Variants in VPS13A observed in about 807,000 individuals in gnomAD.
The protein encoded by VPS13A is vacuolar protein sorting 13 homolog A, also known as intermembrane lipid transfer protein VPS13A.
A neutral mutation model predicts 390.9 loss-of-function variants in VPS13A; 264 were observed. The ratio of observed to expected loss-of-function variants is 0.68; its 90% confidence interval spans 0.61 to 0.75. VPS13A has a LOEUF of 0.75. VPS13A is among the 30% of genes least tolerant of loss of function. The pLI, the probability that VPS13A is intolerant of heterozygous loss-of-function variation, is 0.00. For synonymous variants in VPS13A, 1,231 were observed against 1,227.1 expected (o/e 1.00, Z -0.07); for missense variants, 3,409 against 3,733.9 (o/e 0.91, Z 2.27).
intron 68 of VPS13A, among the ~76,000 whole-genome samples, chr9:77,387,106 A>G (rs1467125364): frequency 2.0e-5 from 3 of 150,008 alleles, no homozygotes; most frequent in Admixed American, 6.7e-5. Flanking sequence ...TCCAGTTTTG[A>G]AAAAAAACTT....
intron 31 of VPS13A, among the ~76,000 whole-genome samples, chr9:77,290,779 C>A (rs1174546106): frequency 6.6e-6 from 1 of 152,104 alleles, no homozygotes; most frequent in Non-Finnish European, 1.5e-5. Flanking sequence ...TTTAATATAT[C>A]CCTTTGACTC....
intron 27 of VPS13A, among the ~76,000 whole-genome samples, chr9:77,280,573 T>C (rs1826960501): frequency 6.6e-6 from 1 of 152,156 alleles, no homozygotes; most frequent in Non-Finnish European, 1.5e-5. Context: ...TGCTTTCACT[T>C]TCTTTTCCAC....
chr9:77,393,469 A>G (rs944477133), intron 68 of VPS13A, among the ~76,000 whole-genome samples: 7 of 152,208 alleles, frequency 4.6e-5, no homozygotes, highest in African/African-American at 1.7e-4. Flanking sequence ...TAAGTTTTCA[A>G]TTTACTTTGA....
chr9:77,405,030 C>T (rs1247944622), intron 69 of VPS13A, among the ~76,000 whole-genome samples: 2 of 151,846 alleles, frequency 1.3e-5, no homozygotes, highest in South Asian at 2.1e-4. Context: ...CCTCTGGTTG[C>T]ACCTACAATT....
chr9:77,310,191 T>C (rs925271139), intron 35 of VPS13A, among the ~76,000 whole-genome samples: 22 of 152,052 alleles, frequency 1.4e-4, no homozygotes, highest in Non-Finnish European at 2.9e-4. Flanking sequence ...TCAGGAAATC[T>C]AGGAAACAGA....
intron 68 of VPS13A, chr9:77,390,081 A>T (rs985389698): frequency 2.0e-6 from 2 of 985,312 alleles, no homozygotes; most frequent in Non-Finnish European, 2.4e-6. Context: ...GAAAGGTCTT[A>T]CTATAGCAGT....
intron 35 of VPS13A, among the ~76,000 whole-genome samples, chr9:77,312,824 A>G (rs973680412): frequency 1.3e-5 from 2 of 152,218 alleles, no homozygotes; most frequent in African/African-American, 4.8e-5. Context: ...TGCAATTCTC[A>G]CATACGACTG....
chr9:77,390,561 G>A, intron 68 of VPS13A, among the ~76,000 whole-genome samples: 1 of 152,166 alleles, frequency 6.6e-6, no homozygotes, highest in South Asian at 2.1e-4. Flanking sequence ...TGGTGGTGAT[G>A]ATTCCACTTC....
Position 77,295,635 on chromosome 9 carries a change from G to A in VPS13A, c.3601G>A (p.Ala1201Thr), listed in dbSNP as rs776924250. 20 of 1,613,826 alleles carry A rather than the reference G, an allele frequency of 1.2e-5. No individual in the cohort carries two copies. The highest frequency in any genetic ancestry group is 6.7e-5 in the East Asian group (3 of 44,874). ...GGCTGCTACTGGTGTAAAAGAACTC[G>A]CACAAAGGAGTTCCAGAATGGCACT... Reference protein sequence around the residue: ...GMAATGVKELAQRSSRMALDI... With the variant: ...GMAATGVKELTQRSSRMALDI... The change falls in exon 33 of 72, where the codon GCA (alanine) becomes ACA (threonine). Residue 1201 changes from alanine (A) to threonine (T), a missense_variant. Physicochemically the swap from Ala to Thr is moderately conservative, Grantham distance 58 (BLOSUM62 0). Transcript: ENST00000360280.
Position 77,302,800 on chromosome 9 carries a change from C to T in VPS13A, c.3813-115C>T, listed in dbSNP as rs1056893817. ...CTGATAGATATTTTCCCTTTATACC[C>T]AACAAATTATTGATTTCTGCTATTT... On this transcript the variant is annotated intron_variant, in intron 33 of 71. Transcript: ENST00000360280. 12 of 1,151,502 alleles carry T rather than the reference C, an allele frequency of 1.0e-5. No homozygotes were observed. The East Asian group carries it at 2.8e-4, about 27-fold the overall frequency. 71.3% of individuals were successfully genotyped at this position (1,151,502 alleles called of 1,614,324 possible). A position where few individuals can be genotyped will look rare whatever the true frequency, so the allele number is the denominator to read the frequency against.
At chr9:77,302,812 G>T in intron 33 of VPS13A, 103 bp from the exon 34 acceptor site, 1 of 1,232,502 alleles carries the variant, frequency 8.1e-7, no homozygotes, top group South Asian at 1.3e-5. Context: ...ACAAATTATT[G>T]ATTTCTGCTA....
At chr9:77,410,493 A>G (rs972801124) in intron 71 of VPS13A, among the ~76,000 whole-genome samples, 4 of 152,142 alleles carry the variant, frequency 2.6e-5, no homozygotes, top group African/African-American at 9.7e-5. Context: ...TAAAAGACAC[A>G]GACTGGCAAA....
chr9:77,369,424 A>G lies in VPS13A; in HGVS notation c.8667+12A>G. 6.6e-7 allele frequency: 1 copy of G among 1,521,060 alleles called. No individual in the cohort carries two copies. Among genetic ancestry groups the G allele is most frequent in the Non-Finnish European group, 9.1e-7 (1 of 1,095,478 alleles). The allele number at this position is 1,521,060 out of a possible 1,614,324, so 94.2% of individuals were successfully genotyped here. On this transcript the variant is annotated intron_variant, in intron 63 of 71. Coordinates refer to ENST00000360280, the MANE Select transcript of VPS13A (RefSeq NM_033305.3). The stretch of plus-strand genomic sequence containing the variant: ...ATGAACCTTACCAGGTAAAATAGTT[A>G]TTTTTGTGGTTGTGCAATATGTCAC...
chr9:77,409,488 A>C (rs1391469575), intron 71 of VPS13A, among the ~76,000 whole-genome samples: 3 of 152,202 alleles, frequency 2.0e-5, no homozygotes, highest in Admixed American at 1.3e-4. Context: ...GCTTCAGATG[A>C]TCAAACTACA....
rs750188316 is a variant in VPS13A at position 77,370,581 on chromosome 9, A to T, written c.8907+3A>T. The stretch of plus-strand genomic sequence containing the variant: ...GTGGAGGAAAAGGCTTAGTTTCTGT[A>T]AGAAATTTCACAGGGTTGTGAAGAT... On this transcript the variant is annotated splice_donor_region_variant and intron_variant, in intron 65 of 71. Transcript: ENST00000360280. 1.2e-5 allele frequency: 20 copies of T among 1,614,112 alleles called. 2 individuals are homozygous for T. The South Asian group carries it at 2.2e-4, about 18-fold the overall frequency.
At chr9:77,335,790 T>TGTG (rs1230445034) in intron 46 of VPS13A, among the ~76,000 whole-genome samples, 2 of 152,216 alleles carry the variant, frequency 1.3e-5, no homozygotes, top group Non-Finnish European at 2.9e-5. Context: ...TGGAAGACAA[T>TGTG]GTGGTGATTC....
chr9:77,242,004 C>G (rs1463855400), intron 19 of VPS13A, among the ~76,000 whole-genome samples: 1 of 152,096 alleles, frequency 6.6e-6, no homozygotes, highest in South Asian at 2.1e-4. Flanking sequence ...GACTCTCCAT[C>G]TTTGTCTTCT....
chr9:77,275,392 T>C, intron 24 of VPS13A, 106 bp from the exon 25 acceptor site: 1 of 1,085,680 alleles, frequency 9.2e-7, no homozygotes, highest in Non-Finnish European at 1.4e-6. Flanking sequence ...ATATTTGATA[T>C]TTAAAAGAGA....
intron 27 of VPS13A, among the ~76,000 whole-genome samples, chr9:77,281,097 A>G (rs1391522568): frequency 6.7e-6 from 1 of 149,106 alleles, no homozygotes; most frequent in Admixed American, 6.6e-5. Context: ...TTATAGAAGT[A>G]GAGAGCACAG....
Sources: gnomAD v4.1 joint callset for allele counts (sites outside exome capture counted in the v4.1 genomes callset) on GRCh38, gnomAD v4.1.1 for gene constraint, MANE v1.5 for transcripts, NCBI Gene and HGNC (gene_info 2026-07-23, HGNC 2026-07-21) for gene names.